LPP: variants seen among roughly 807,000 people sequenced by gnomAD.
LPP encodes the protein LIM domain containing preferred translocation partner in lipoma.
In LPP, 38 loss-of-function variants were observed where a neutral mutation model predicts 60.4. That is an observed-to-expected ratio of 0.63 (90% CI 0.49 to 0.83). The LOEUF (loss-of-function observed/expected upper bound fraction) is 0.83, where lower values mean the gene tolerates loss of function less well. Ranked by LOEUF, LPP falls within the 40% of genes least tolerant of loss-of-function variation. The pLI, the probability that LPP is intolerant of heterozygous loss-of-function variation, is 0.00. For synonymous variants in LPP, 328 were observed against 290.8 expected (o/e 1.13, Z -1.30); for missense variants, 902 against 783.6 (o/e 1.15, Z -1.80).
chr3:188,498,247 A>G (rs1810821322), intron 5 of LPP, among the ~76,000 whole-genome samples: 1 of 152,150 alleles, frequency 6.6e-6, no homozygotes, highest in African/African-American at 2.4e-5. Flanking sequence ...CAGTAGCAAT[A>G]TGATGAAGTA....
chr3:188,237,117 C>T (rs1049459161), intron 2 of LPP, among the ~76,000 whole-genome samples: 2 of 152,078 alleles, frequency 1.3e-5, no homozygotes, highest in Non-Finnish European at 2.9e-5. Flanking sequence ...AGCATCTTCA[C>T]CAGGGGTAAT....
At chr3:188,536,295 C>T (rs566682326) in intron 6 of LPP, among the ~76,000 whole-genome samples, 1 of 150,060 alleles carries the variant, frequency 6.7e-6, no homozygotes, top group South Asian at 2.1e-4. Flanking sequence ...AGGCGTGAGC[C>T]ACTGCACCCG....
chr3:188,863,109 G>C (rs925499644), intron 9 of LPP, among the ~76,000 whole-genome samples: 1 of 152,142 alleles, frequency 6.6e-6, no homozygotes, highest in African/African-American at 2.4e-5. Flanking sequence ...TCAAACCTCT[G>C]ATAAGGGGTT....
intron 6 of LPP, among the ~76,000 whole-genome samples, chr3:188,602,154 A>ATATATATATTATATATATATAT (rs1841378592): frequency 1.6e-5 from 2 of 123,764 alleles, no homozygotes; most frequent in African/African-American, 5.8e-5. Context: ...TATATATATA[A>ATATATATATTATATATATATAT]TATATATATA....
At chr3:188,424,439 C>CT (rs199986712) in intron 4 of LPP, among the ~76,000 whole-genome samples, 2,089 of 151,878 alleles carry the variant, frequency 0.014, 61 homozygotes, top group African/African-American at 0.047. Context: ...TCTATATGGG[C>CT]TTTTTTTTGG....
At chr3:188,418,619 G>C (rs780948100) in intron 4 of LPP, among the ~76,000 whole-genome samples, 1 of 151,952 alleles carries the variant, frequency 6.6e-6, no homozygotes, top group South Asian at 2.1e-4. Context: ...TTATTTTCCC[G>C]AATTATTACT....
chr3:188,367,031 G>T (rs1771394670), intron 3 of LPP, among the ~76,000 whole-genome samples: 6 of 152,022 alleles, frequency 3.9e-5, no homozygotes. Flanking sequence ...CGAATAGGTG[G>T]GACTACAGGC....
intron 1 of LPP, chr3:188,179,094 CA>C (rs1724055929): frequency 3.9e-6 from 1 of 256,280 alleles, no homozygotes; most frequent in African/African-American, 2.7e-5. Context: ...GGGAGAGAGA[CA>C]GAGAGAGAGA....
At chr3:188,583,203 G>A (rs1268261072) in intron 6 of LPP, among the ~76,000 whole-genome samples, 1 of 152,144 alleles carries the variant, frequency 6.6e-6, no homozygotes, top group East Asian at 1.9e-4. Flanking sequence ...GTGCGAAATA[G>A]GAACAGTAAT....
intron 1 of LPP, among the ~76,000 whole-genome samples, chr3:188,159,409 A>G (rs182234887): frequency 5.3e-5 from 8 of 152,320 alleles, no homozygotes; most frequent in Non-Finnish European, 1.2e-4. Context: ...GATGTTCAGT[A>G]GCTGTTTGGT....
chr3:188,160,379 A>G (rs1717885020), intron 1 of LPP, among the ~76,000 whole-genome samples: 1 of 151,612 alleles, frequency 6.6e-6, no homozygotes, highest in Non-Finnish European at 1.5e-5. Context: ...ATTTTTGTGG[A>G]GATGGGGTTT....
chr3:188,556,797 C>T (rs1829589454), intron 6 of LPP, among the ~76,000 whole-genome samples: 1 of 151,698 alleles, frequency 6.6e-6, no homozygotes, highest in Non-Finnish European at 1.5e-5. Context: ...TCTGAATGCC[C>T]TGGTGATTGA....
chr3:188,325,069 C>T (rs1007081621), intron 2 of LPP, among the ~76,000 whole-genome samples: 33 of 152,190 alleles, frequency 2.2e-4, no homozygotes, highest in African/African-American at 7.7e-4. Flanking sequence ...CAGCCTCCAC[C>T]TTCTGGGTTC....
At chr3:188,278,169 G>A (rs1379012516) in intron 2 of LPP, among the ~76,000 whole-genome samples, 1 of 152,178 alleles carries the variant, frequency 6.6e-6, no homozygotes, top group Admixed American at 6.5e-5. Context: ...AGATACTAGT[G>A]ATCCATATTG....
intron 7 of LPP, 38 bp from the exon 8 acceptor site, chr3:188,708,229 G>T (rs776365044): frequency 2.5e-6 from 4 of 1,610,438 alleles, no homozygotes. Flanking sequence ...TGATGGTCTA[G>T]GTGGCAATTA....
chr3:188,723,839 A>G (rs1717374927), intron 8 of LPP, among the ~76,000 whole-genome samples: 1 of 151,980 alleles, frequency 6.6e-6, no homozygotes, highest in Non-Finnish European at 1.5e-5. Flanking sequence ...TATGATCTTT[A>G]TTTTCCTCAT....
At chr3:188,414,210 CA>C (rs1178068686) in intron 4 of LPP, among the ~76,000 whole-genome samples, 1 of 151,796 alleles carries the variant, frequency 6.6e-6, no homozygotes, top group Non-Finnish European at 1.5e-5. Context: ...ATATAATTAC[CA>C]ATAACTATTC....
At chr3:188,387,633 C>T (rs1778659534) in intron 3 of LPP, among the ~76,000 whole-genome samples, 1 of 149,534 alleles carries the variant, frequency 6.7e-6, no homozygotes, top group African/African-American at 2.5e-5. Context: ...GTGGCATGAT[C>T]TCAGCTCACT....
At chr3:188,380,921 G>T (rs1021127175) in intron 3 of LPP, among the ~76,000 whole-genome samples, 7 of 152,234 alleles carry the variant, frequency 4.6e-5, no homozygotes, top group Admixed American at 3.9e-4. Context: ...TCATACAGTA[G>T]TTAAGTTGAC....
Sources: gnomAD v4.1 joint callset for allele counts (sites outside exome capture counted in the v4.1 genomes callset) on GRCh38, gnomAD v4.1.1 for gene constraint, MANE v1.5 for transcripts, NCBI Gene and HGNC (gene_info 2026-07-23, HGNC 2026-07-21) for gene names.